The following GKAP1 variants were observed in gnomAD, a reference collection of about 807,000 sequenced individuals.
The protein encoded by GKAP1 is G kinase anchoring protein 1, also known as G kinase-anchoring protein 1.
In GKAP1, 31 loss-of-function variants were observed where a neutral mutation model predicts 56.7. The ratio of observed to expected loss-of-function variants is 0.55; its 90% confidence interval spans 0.41 to 0.74. GKAP1 has a LOEUF of 0.74. Ranked by LOEUF, GKAP1 falls within the 30% of genes least tolerant of loss-of-function variation. GKAP1 has a pLI of 0.00. For missense variants in GKAP1, 364 were observed against 402.3 expected (o/e 0.90, Z 0.82); for synonymous variants, 151 against 138.6 (o/e 1.09, Z -0.63).
At chr9:83,774,566 C>A (rs1409284038) in intron 7 of GKAP1, among the ~76,000 whole-genome samples, 4 of 151,264 alleles carry the variant, frequency 2.6e-5, no homozygotes, top group Non-Finnish European at 5.9e-5. Context: ...TGCACTCCAG[C>A]CTGGGTGACA....
intron 9 of GKAP1, chr9:83,748,898 TGTA>T (rs1281258811): frequency 1.3e-5 from 2 of 152,250 alleles, no homozygotes; most frequent in Non-Finnish European, 2.9e-5. Context: ...GTGATAGACT[TGTA>T]GTGGATATTG....
At chr9:83,772,309 A>G (rs1943776575) in intron 7 of GKAP1, among the ~76,000 whole-genome samples, 1 of 152,152 alleles carries the variant, frequency 6.6e-6, no homozygotes, top group Admixed American at 6.5e-5. Flanking sequence ...TTTATGATCA[A>G]ATTTACTTTT....
chr9:83,741,710 T>G (rs974744827), intron 12 of GKAP1, among the ~76,000 whole-genome samples: 1 of 152,178 alleles, frequency 6.6e-6, no homozygotes. Flanking sequence ...TTCAATGGCA[T>G]GTATGCTGTA....
chr9:83,753,878 G>T (rs1043333536), intron 8 of GKAP1, among the ~76,000 whole-genome samples: 1 of 152,078 alleles, frequency 6.6e-6, no homozygotes, highest in Non-Finnish European at 1.5e-5. Context: ...TCTCGAAAAT[G>T]ACACAGAACA....
At chr9:83,742,345 G>A (rs1158767047) in intron 11 of GKAP1, among the ~76,000 whole-genome samples, 185 bp downstream of exon 11, 3 of 152,086 alleles carry the variant, frequency 2.0e-5, no homozygotes, top group South Asian at 4.1e-4. Context: ...TTCTTCAGGG[G>A]GAAGGACATA....
chr9:83,780,048 A>G (rs935945245), intron 7 of GKAP1, among the ~76,000 whole-genome samples: 1 of 152,130 alleles, frequency 6.6e-6, no homozygotes, highest in Non-Finnish European at 1.5e-5. Flanking sequence ...TTTTTAATAA[A>G]GATTAAAATA....
chr9:83,807,413 T>G (rs886194953), intron 2 of GKAP1, among the ~76,000 whole-genome samples: 2 of 152,194 alleles, frequency 1.3e-5, no homozygotes, highest in Non-Finnish European at 2.9e-5. Flanking sequence ...ACCAGAAGAC[T>G]AAGTGCTCTT....
chr9:83,780,172 T>A (rs999676253), intron 7 of GKAP1, among the ~76,000 whole-genome samples: 2 of 152,082 alleles, frequency 1.3e-5, no homozygotes, highest in African/African-American at 4.8e-5. Flanking sequence ...CAAATTATAT[T>A]ATGCTTCATG....
intron 6 of GKAP1, among the ~76,000 whole-genome samples, chr9:83,783,096 T>A (rs574937532): frequency 1.3e-5 from 2 of 152,350 alleles, no homozygotes; most frequent in East Asian, 3.9e-4. Flanking sequence ...TCTAAATATA[T>A]TCTCTGATTT....
chr9:83,816,597 T>G (rs1023360785), intron 2 of GKAP1, among the ~76,000 whole-genome samples: 1 of 152,216 alleles, frequency 6.6e-6, no homozygotes, highest in Non-Finnish European at 1.5e-5. Context: ...CTCAAATATT[T>G]TTATAGCTAC....
chr9:83,767,645 A>G (rs1259764579), intron 8 of GKAP1, among the ~76,000 whole-genome samples: 1 of 151,986 alleles, frequency 6.6e-6, no homozygotes, highest in African/African-American at 2.4e-5. Context: ...TTACAGGCAT[A>G]AGCCACAGCA....
chr9:83,800,399 A>G (rs891248825), intron 3 of GKAP1, among the ~76,000 whole-genome samples: 3 of 149,166 alleles, frequency 2.0e-5, no homozygotes, highest in African/African-American at 4.9e-5. Flanking sequence ...CAGTGGCACA[A>G]TCTCGCTCAC....
intron 2 of GKAP1, among the ~76,000 whole-genome samples, chr9:83,810,308 G>C (rs1405761178): frequency 6.6e-6 from 1 of 152,066 alleles, no homozygotes; most frequent in African/African-American, 2.4e-5. Context: ...TAAAAGTCTA[G>C]ATCAGGAACT....
chr9:83,811,215 T>G (rs1268762264), intron 2 of GKAP1, among the ~76,000 whole-genome samples: 1 of 152,218 alleles, frequency 6.6e-6, no homozygotes, highest in Non-Finnish European at 1.5e-5. Flanking sequence ...CTAACTCCAT[T>G]GAAAAGTGTT....
intron 7 of GKAP1, among the ~76,000 whole-genome samples, chr9:83,775,638 G>A (rs1451462987): frequency 2.6e-5 from 4 of 151,902 alleles, no homozygotes; most frequent in Admixed American, 2.0e-4. Flanking sequence ...CACTATGGGA[G>A]GCCAAGGCCG....
chr9:83,803,861 C>T (rs1267215009), intron 3 of GKAP1, among the ~76,000 whole-genome samples: 1 of 150,818 alleles, frequency 6.6e-6, no homozygotes, highest in African/African-American at 2.4e-5. Flanking sequence ...CGTTTCTGCC[C>T]GGCCGCCCAT....
rs568829495 is a variant in GKAP1, at chr9:83,774,639, G to A, written c.586-5669C>T. Among the ~76,000 whole-genome samples, 10 of 149,002 alleles carry A rather than the reference G, an allele frequency of 6.7e-5. 1 individual carries two copies. The highest frequency in any genetic ancestry group is 6.4e-4 in the South Asian group (3 of 4,724). The stretch of plus-strand genomic sequence containing the variant: ...GTAGCAAAAACAAAAACTGACAAAC[G>A]GGACCTAGTTAAACTGAAAAGCTTC... On this transcript the variant is annotated intron_variant, in intron 7 of 12. Transcript: ENST00000376371.
intron 2 of GKAP1, among the ~76,000 whole-genome samples, chr9:83,816,670 T>C (rs572745894): frequency 6.6e-6 from 1 of 152,302 alleles, no homozygotes; most frequent in African/African-American, 2.4e-5. Flanking sequence ...CAACAGACAA[T>C]GCTAAATGGT....
In GKAP1 at chr9:83,739,457, A is replaced by G. The variant is rs745613597; in HGVS notation, c.*240T>C. 7 of 359,446 alleles carry G rather than the reference A, an allele frequency of 1.9e-5. No homozygotes were observed. Among genetic ancestry groups the G allele is most frequent in the Non-Finnish European group, 3.5e-5 (7 of 201,958 alleles). The allele number at this position is 359,446 out of a possible 1,614,324, so 22.3% of individuals were successfully genotyped here. A position where few individuals can be genotyped will look rare whatever the true frequency, so the allele number is the denominator to read the frequency against. ...GTAAATTAATTTTATTGACTGATGA[A>G]AAACTAAAGTGATAAGAAGTATGGA... On this transcript the variant is annotated 3_prime_UTR_variant, in exon 13 of 13. Coordinates refer to ENST00000376371, the MANE Select transcript of GKAP1 (RefSeq NM_025211.4).
Sources: allele counts gnomAD v4.1 joint callset (sites outside exome capture counted in the v4.1 genomes callset), GRCh38; gene constraint gnomAD v4.1.1; transcripts MANE v1.5; gene names NCBI Gene and HGNC (gene_info 2026-07-23, HGNC 2026-07-21).